Variants in WASHC2A observed in about 807,000 individuals in gnomAD.
WASHC2A encodes the protein WASH complex subunit 2A, also known as WASH complex subunit FAM21A.
WASHC2A carries 82 observed loss-of-function variants against 140.3 expected under a neutral mutation model. That is an observed-to-expected ratio of 0.58 (90% CI 0.49 to 0.70). The LOEUF (loss-of-function observed/expected upper bound fraction) is 0.70. WASHC2A is among the 30% of genes least tolerant of loss of function. The pLI is 0.00. For missense variants in WASHC2A, 985 were observed against 1,521.8 expected (o/e 0.65, Z 5.87); for synonymous variants, 340 against 560.8 (o/e 0.61, Z 5.56).
chr10:50,099,435 A>G lies in WASHC2A; in HGVS notation c.1549-543A>G, dbSNP rs1399895159. On this transcript the variant is annotated intron_variant, in intron 16 of 30. Coordinates refer to ENST00000282633, the MANE Select transcript of WASHC2A (RefSeq NM_001005751.3). Reference sequence around the variant, plus strand: ...TATGCGTGCGCCACCATGCCCGGCTAATTTTTTGTGGAGACGGGTTTTGCC... The same window carrying G: ...TATGCGTGCGCCACCATGCCCGGCTGATTTTTTGTGGAGACGGGTTTTGCC... Among the ~76,000 whole-genome samples the G allele has an allele frequency of 8.6e-5, 13 of 150,838 alleles. 1 individual carries two copies. In the South Asian group the frequency reaches 1.7e-3, roughly 20 times the overall value.
In WASHC2A at chr10:50,093,361, G is replaced by A; in HGVS notation, c.1097G>A (p.Gly366Glu). The change falls in exon 12 of 31, where the codon GGG (glycine) becomes GAG (glutamate). Residue 366 changes from glycine (G) to glutamate (E), a missense_variant. Coordinates refer to ENST00000282633, the MANE Select transcript of WASHC2A (RefSeq NM_001005751.3). ...GGTGGCCTGTTCAGTGGGGGCAAGG[G>A]GCTCTTTGATGATGAGGACGAGGAG... ...SGGGLFSGGKGLFDDEDEESD... is the reference protein window; with the variant it reads ...SGGGLFSGGKELFDDEDEESD... The A allele has an allele frequency of 6.9e-7, 1 of 1,442,788 alleles. No individual in the cohort carries two copies. Among genetic ancestry groups the A allele is most frequent in the Admixed American group, 2.0e-5 (1 of 50,380 alleles). The allele number at this position is 1,442,788 out of a possible 1,614,324, so 89.4% of individuals were successfully genotyped here.
In WASHC2A at chr10:50,126,321, A is replaced by C. The variant is rs1469331908; in HGVS notation, c.2811+142A>C. 2.2e-5 allele frequency: 33 copies of C among 1,494,228 alleles called. No homozygotes were observed. The African/African-American group carries it at 3.5e-4, about 16-fold the overall frequency. 92.6% of individuals were successfully genotyped at this position (1,494,228 alleles called of 1,614,324 possible). ...AGGGCTACCGCTTTGTCTTCACTGC[A>C]CTCCCCCCAAGTCATCTCCCCTCTC... On this transcript the variant is annotated intron_variant, in intron 26 of 30. Transcript: ENST00000282633.
chr10:50,074,582 T>TA (rs1564744551), intron 3 of WASHC2A, among the ~76,000 whole-genome samples: 1 of 152,036 alleles, frequency 6.6e-6, no homozygotes, highest in African/African-American at 2.4e-5. Flanking sequence ...TTAGCACATA[T>TA]ATTCTAAGTC....
rs1190897876 is a variant in WASHC2A, at chr10:50,091,549, G to T, written c.931+31G>T. On this transcript the variant is annotated intron_variant, in intron 10 of 30. Transcript: ENST00000282633. ...CCCCAGCCGCGTTGATGGGGAGTAG[G>T]GGGGGAGTAGTGCAGGGCCCTCTGC... 548 of 1,549,410 alleles carry T rather than the reference G, an allele frequency of 3.5e-4. 1 individual carries two copies. The highest frequency in any genetic ancestry group is 4.5e-4 in the Non-Finnish European group (513 of 1,146,684).
intron 20 of WASHC2A, among the ~76,000 whole-genome samples, chr10:50,112,578 G>C (rs1842374484): frequency 9.6e-6 from 1 of 104,054 alleles, no homozygotes; most frequent in South Asian, 4.1e-4. Flanking sequence ...AATGAAATTA[G>C]TTGTTCATAT....
At chr10:50,102,275 C>T (rs1236981100) in intron 17 of WASHC2A, among the ~76,000 whole-genome samples, 2 of 152,154 alleles carry the variant, frequency 1.3e-5, no homozygotes, top group South Asian at 2.1e-4. Context: ...CGAAGGAATG[C>T]GTCCTGACTC....
Position 50,069,833 on chromosome 10 carries a change from CTT to C in WASHC2A, c.291+127_291+128del, listed in dbSNP as rs567174299. 3.3e-4 allele frequency: 372 copies of C among 1,130,560 alleles called. 2 individuals carry two copies. In the African/African-American group the frequency reaches 5.4e-3, roughly 16 times the overall value. 70.0% of individuals were successfully genotyped at this position (1,130,560 alleles called of 1,614,324 possible). A position where few individuals can be genotyped will look rare whatever the true frequency, so the allele number is the denominator to read the frequency against. ...GAAGTGTGGTTCTTGGTAATTGTAG[CTT>C]TTTTCTCTGGGATTAATACCTCTTT... On this transcript the variant is annotated intron_variant, in intron 3 of 30. Coordinates refer to ENST00000282633, the MANE Select transcript of WASHC2A (RefSeq NM_001005751.3).
rs1443058193 is a variant in WASHC2A at position 50,091,513 on chromosome 10, C to T, written c.926C>T (p.Pro309Leu). ...GDAVGRVDEE[P>L]TTLPSGEAKP... ...GCCGTGGGTCGAGTGGACGAGGAGC[C>T]GACAAGTGAGCCCCAGCCGCGTTGA... The change falls in exon 10 of 31, where the codon CCG becomes CTG. Residue 309 changes from proline to leucine, a missense_variant. Pro to Leu is a moderately conservative substitution (Grantham distance 98). Transcript: ENST00000282633. 9.7e-6 allele frequency: 15 copies of T among 1,549,768 alleles called. No individual in the cohort carries two copies. Among genetic ancestry groups the T allele is most frequent in the East Asian group, 2.4e-5 (1 of 40,994 alleles).
chr10:50,100,610 T>C (rs1176243252), intron 17 of WASHC2A, among the ~76,000 whole-genome samples: 7 of 152,210 alleles, frequency 4.6e-5, no homozygotes, highest in Non-Finnish European at 8.8e-5. Flanking sequence ...CCTCTCTCTT[T>C]AGGATGCTCA....
chr10:50,071,552 A>G (rs61856712), intron 3 of WASHC2A, among the ~76,000 whole-genome samples: 83,699 of 150,942 alleles, frequency 0.55, 24,623 homozygotes, highest in East Asian at 0.94. Context: ...TGATCCGCCC[A>G]CCTCGGCCTC....
chr10:50,097,637 G>A, intron 15 of WASHC2A, 38 bp from the exon 16 acceptor site: 1 of 1,502,422 alleles, frequency 6.7e-7, no homozygotes, highest in Non-Finnish European at 9.0e-7. Context: ...TAGGATGTTT[G>A]ACGTTAGTGT....
At chr10:50,116,837 A>G (rs1443352047) in intron 21 of WASHC2A, among the ~76,000 whole-genome samples, 1 of 142,518 alleles carries the variant, frequency 7.0e-6, no homozygotes, top group Non-Finnish European at 1.5e-5. Flanking sequence ...ATGATTAGCA[A>G]TGTCCTTCCT....
At chr10:50,119,980 C>A (rs1842899811) in intron 23 of WASHC2A, among the ~76,000 whole-genome samples, 1 of 137,154 alleles carries the variant, frequency 7.3e-6, no homozygotes, top group Non-Finnish European at 1.5e-5. Context: ...AGAATTTCAC[C>A]CCCCCTCTTC....
At chr10:50,100,251 G>A (rs1170963102) in intron 17 of WASHC2A, among the ~76,000 whole-genome samples, 187 bp downstream of exon 17, 7 of 152,080 alleles carry the variant, frequency 4.6e-5, no homozygotes, top group Non-Finnish European at 8.8e-5. Flanking sequence ...GGTAGGCCAA[G>A]GCAGGCGGAT....
chr10:50,098,974 C>T (rs1205269015), intron 16 of WASHC2A, among the ~76,000 whole-genome samples: 1 of 151,764 alleles, frequency 6.6e-6, no homozygotes, highest in Non-Finnish European at 1.5e-5. Flanking sequence ...GTACCCTGTC[C>T]TCTTTTGCCA....
In WASHC2A at chr10:50,127,663, A is replaced by G. The variant is rs1843553482; in HGVS notation, c.2955A>G (p.Glu985=). The change falls in exon 28 of 31, where the codon GAA becomes GAG. Residue 985 remains glutamate (E), a synonymous_variant. Coordinates refer to ENST00000282633, the MANE Select transcript of WASHC2A (RefSeq NM_001005751.3). ...QISEVKPVLP[E]LAFPSSEHRR... ...CTGAAGTAAAGCCTGTTTTGCCAGA[A>G]TTGGCTTTTCCTTCATCTGAACACA... 1 of 1,602,500 alleles carries G rather than the reference A, an allele frequency of 6.2e-7. No individual in the cohort carries two copies. The highest frequency in any genetic ancestry group is 1.4e-5 in the African/African-American group (1 of 73,438).
intron 21 of WASHC2A, among the ~76,000 whole-genome samples, chr10:50,116,269 T>G (rs1385806743): frequency 1.7e-4 from 16 of 94,102 alleles, no homozygotes; most frequent in African/African-American, 7.1e-4. Context: ...TTGCCATACT[T>G]AAGTCTCTTT....
chr10:50,097,118 A>T (rs1223323936), intron 15 of WASHC2A, among the ~76,000 whole-genome samples: 1 of 132,792 alleles, frequency 7.5e-6, no homozygotes, highest in East Asian at 1.9e-4. Flanking sequence ...TTATCTTCTT[A>T]TTTATAGCCT....
intron 17 of WASHC2A, among the ~76,000 whole-genome samples, chr10:50,103,511 G>C (rs1389997884): frequency 2.0e-5 from 3 of 152,066 alleles, no homozygotes; most frequent in Non-Finnish European, 4.4e-5. Context: ...AGTGAGCCGA[G>C]ATTGCACCAC....
Sources: gnomAD v4.1 joint callset for allele counts (sites outside exome capture counted in the v4.1 genomes callset) on GRCh38, gnomAD v4.1.1 for gene constraint, MANE v1.5 for transcripts, NCBI Gene and HGNC (gene_info 2026-07-23, HGNC 2026-07-21) for gene names.